Variants in SLC6A18 observed in about 807,000 individuals in gnomAD.
SLC6A18 encodes the protein inactive sodium-dependent neutral amino acid transporter B(0)AT3.
SLC6A18 carries 58 observed loss-of-function variants against 62.9 expected under a neutral mutation model. That is an observed-to-expected ratio of 0.92 (90% CI 0.75 to 1.15). The LOEUF is 1.15. Among genes scored for constraint, SLC6A18 ranks in the 50% most tolerant of loss-of-function variants. The pLI, the probability that SLC6A18 is intolerant of heterozygous loss-of-function variation, is 0.00. For synonymous variants in SLC6A18, 382 were observed against 365.8 expected (o/e 1.04, Z -0.51); for missense variants, 793 against 836.6 (o/e 0.95, Z 0.64).
At chr5:1,242,315 C>T (rs1259480433) in intron 7 of SLC6A18, among the ~76,000 whole-genome samples, 1 of 152,232 alleles carries the variant, frequency 6.6e-6, no homozygotes, top group African/African-American at 2.4e-5. Flanking sequence ...CAGTGCCGCC[C>T]TGTCACAGCA....
chr5:1,228,958 A>G (rs894277657), intron 1 of SLC6A18, among the ~76,000 whole-genome samples: 2 of 152,218 alleles, frequency 1.3e-5, no homozygotes, highest in East Asian at 3.9e-4. Flanking sequence ...GAAAAAATGC[A>G]TGGACTGACT....
intron 1 of SLC6A18, 78 bp from the exon 2 acceptor site, chr5:1,232,141 G>A: frequency 1.5e-6 from 2 of 1,350,760 alleles, no homozygotes; most frequent in Non-Finnish European, 2.1e-6. Flanking sequence ...GAAGACCACA[G>A]GTGGCTCCCC....
rs201232389 is a variant in SLC6A18, at chr5:1,230,777, C to T, written c.161-1442C>T. ...GGCAGCCGGCACCCATGTAGGTCAG[C>T]GTCTTAGGGCAGAAGGCCTGAGGTC... is the stretch of plus-strand genomic sequence containing the variant. On this transcript the variant is annotated intron_variant, in intron 1 of 11. Transcript: ENST00000324642. Among the ~76,000 whole-genome samples, 20 of 152,282 alleles carry T rather than the reference C, an allele frequency of 1.3e-4. No homozygotes were observed. The East Asian group carries it at 2.5e-3, about 19-fold the overall frequency.
In SLC6A18 at chr5:1,242,687, A is replaced by G; in HGVS notation, c.975-20A>G. 1 of 1,585,088 alleles carries G rather than the reference A, an allele frequency of 6.3e-7. No individual in the cohort carries two copies. Among genetic ancestry groups the G allele is most frequent in the Non-Finnish European group, 8.6e-7 (1 of 1,161,566 alleles). On this transcript the variant is annotated intron_variant, in intron 7 of 11. Transcript: ENST00000324642. ...TTGGGAACCAGGGCCATGAGCCCACAGTCCTCTCTGTCCCCGCAGAAACAT... is the reference window on the plus strand; with the variant it reads ...TTGGGAACCAGGGCCATGAGCCCACGGTCCTCTCTGTCCCCGCAGAAACAT...
chr5:1,225,949 C>T (rs578124533), intron 1 of SLC6A18, among the ~76,000 whole-genome samples: 1 of 152,332 alleles, frequency 6.6e-6, no homozygotes, highest in African/African-American at 2.4e-5. Context: ...CTGCCCGACA[C>T]ACACACCCTA....
At chr5:1,238,928 C>T (rs7718658) in intron 5 of SLC6A18, among the ~76,000 whole-genome samples, 44,546 of 152,176 alleles carry the variant, frequency 0.29, 6,756 homozygotes, top group Middle Eastern at 0.42. Flanking sequence ...TCCCAGATCG[C>T]GGCACTCCCT....
At chr5:1,230,293 G>T (rs893508849) in intron 1 of SLC6A18, among the ~76,000 whole-genome samples, 1 of 152,132 alleles carries the variant, frequency 6.6e-6, no homozygotes, top group African/African-American at 2.4e-5. Context: ...GCCTGGCCCT[G>T]AGAAAGGCAG....
chr5:1,243,817 C>A lies in SLC6A18; in HGVS notation c.1336+58C>A, dbSNP rs1747136867. The A allele has an allele frequency of 6.8e-7, 1 of 1,479,884 alleles. No individual in the cohort carries two copies. The highest frequency in any genetic ancestry group is 1.3e-5 in the South Asian group (1 of 78,012). 91.7% of individuals were successfully genotyped at this position (1,479,884 alleles called of 1,614,324 possible). The stretch of plus-strand genomic sequence containing the variant: ...CGTCCCCAGCATCTGACTGTCCACT[C>A]CCGCCCGCTGTCCAGACGCCCCTCC... On this transcript the variant is annotated intron_variant, in intron 9 of 11. Transcript: ENST00000324642. This position sits in a 1 kb window ranked among gnomAD's most constrained non-coding sequence, Gnocchi z 6.5.
intron 7 of SLC6A18, 46 bp downstream of exon 7, chr5:1,240,705 A>C: frequency 6.2e-7 from 1 of 1,607,808 alleles, no homozygotes; most frequent in Non-Finnish European, 8.5e-7. Flanking sequence ...CAGCCGCCAG[A>C]CAGGTGCCTG....
At chr5:1,237,499 C>T (rs544439740) in intron 4 of SLC6A18, among the ~76,000 whole-genome samples, 4 of 152,046 alleles carry the variant, frequency 2.6e-5, no homozygotes, top group African/African-American at 4.8e-5. Flanking sequence ...GGGCTGAGAA[C>T]TCGAGAGTGG....
intron 7 of SLC6A18, 55 bp from the exon 8 acceptor site, chr5:1,242,652 C>T (rs1747093494): frequency 6.4e-7 from 1 of 1,552,320 alleles, no homozygotes; most frequent in Non-Finnish European, 8.7e-7. Context: ...AAGGGTTTCT[C>T]TGGATGTGTT....
chr5:1,240,194 G>T (rs1010386201), intron 6 of SLC6A18, among the ~76,000 whole-genome samples: 1 of 152,260 alleles, frequency 6.6e-6, no homozygotes, highest in Non-Finnish European at 1.5e-5. Context: ...ACTTGTGTGC[G>T]TTTCTCCTTT....
intron 3 of SLC6A18, among the ~76,000 whole-genome samples, chr5:1,234,780 G>A (rs1239998192): frequency 2.0e-5 from 3 of 152,240 alleles, no homozygotes; most frequent in African/African-American, 7.2e-5. Flanking sequence ...TGACTGGCAG[G>A]GCCTTAGAAG....
chr5:1,236,601 C>T (rs1011211540), intron 4 of SLC6A18, among the ~76,000 whole-genome samples: 2 of 152,200 alleles, frequency 1.3e-5, no homozygotes, highest in African/African-American at 4.8e-5. Flanking sequence ...CTAGTGTGTG[C>T]TATCATCTCC....
chr5:1,231,637 G>C (rs538377405), intron 1 of SLC6A18, among the ~76,000 whole-genome samples: 1 of 152,348 alleles, frequency 6.6e-6, no homozygotes, highest in Admixed American at 6.5e-5. Flanking sequence ...GAGCCAACAG[G>C]CGACCTCACA....
At position 1,225,582 on chromosome 5, in the gene SLC6A18, C is replaced by G. The variant is rs33945178; in HGVS notation, c.105C>G (p.Ala35=). 16,345 of 1,610,480 alleles carry G rather than the reference C, an allele frequency of 0.01. 818 individuals are homozygous for G. In the African/African-American group the frequency reaches 0.12, roughly 12 times the overall value. ...AQYLLSCTGF[A]VGLGNIWRFP... ...ACCTCCTGAGCTGCACTGGGTTTGC[C>G]GTGGGACTGGGGAACATTTGGCGGT... The change falls in exon 1 of 12, where the codon GCC becomes GCG. Residue 35 remains alanine, a synonymous_variant. Transcript: ENST00000324642.
intron 3 of SLC6A18, among the ~76,000 whole-genome samples, chr5:1,234,846 G>T (rs555914103): frequency 1.3e-5 from 2 of 152,244 alleles, no homozygotes; most frequent in Admixed American, 6.5e-5. Flanking sequence ...GAGCCCTGTG[G>T]CATGGGCAGT....
rs1747206222 is a variant in SLC6A18 at position 1,245,909 on chromosome 5, T to C, written c.1718T>C (p.Leu573Pro). The change falls in exon 12 of 12, where the codon CTG becomes CCG. Residue 573 changes from leucine to proline, a missense_variant. Transcript: ENST00000324642. ...GGCTGGGCGCGCGCCGCCTGTGTGC[T>C]GCTGTCCTTGCTGCCCGTGCTGTGG... is the stretch of plus-strand genomic sequence containing the variant. Reference protein sequence around the residue: ...YPGWARAACVLLSLLPVLWVP... With the variant: ...YPGWARAACVPLSLLPVLWVP... The C allele has an allele frequency of 6.2e-7, 1 of 1,607,028 alleles. No homozygotes were observed. Among genetic ancestry groups the C allele is most frequent in the Non-Finnish European group, 8.5e-7 (1 of 1,179,544 alleles).
In SLC6A18 at chr5:1,244,743, A is replaced by AT. The variant is rs1747172064; in HGVS notation, c.1633dup (p.Tyr545LeufsTer103). On this transcript the variant is annotated frameshift_variant, in exon 11 of 12. Transcript: ENST00000324642. LOFTEE classifies it low-confidence loss of function (END_TRUNC). Reference sequence around the variant, plus strand: ...TCCTCCTGTTCTGGAAGCCACTGAGATACAAGGCCTGGAACCCCAAATACG... The same window carrying AT: ...TCCTCCTGTTCTGGAAGCCACTGAGATTACAAGGCCTGGAACCCCAAATACG... 1 of 1,609,786 alleles carries AT rather than the reference A, an allele frequency of 6.2e-7. No individual in the cohort carries two copies. The highest frequency in any genetic ancestry group is 8.5e-7 in the Non-Finnish European group (1 of 1,176,518).
Sources: gnomAD v4.1 joint callset for allele counts (sites outside exome capture counted in the v4.1 genomes callset) on GRCh38, gnomAD v4.1.1 for gene constraint, Gnocchi (gnomAD v3.1) non-coding constraint, MANE v1.5 for transcripts, NCBI Gene and HGNC (gene_info 2026-07-23, HGNC 2026-07-21) for gene names.